PCDHGA5: variants seen among roughly 807,000 people sequenced by gnomAD.
PCDHGA5 encodes the protein protocadherin gamma subfamily A, 5, also known as protocadherin gamma-A5.
Under a neutral mutation model 56.7 loss-of-function variants are expected in PCDHGA5, and 36 were observed. The ratio of observed to expected loss-of-function variants is 0.64; its 90% CI spans 0.49 to 0.84. PCDHGA5 has a LOEUF of 0.84. Among genes scored for constraint, PCDHGA5 ranks in the 40% least tolerant of loss-of-function variants. PCDHGA5 has a pLI of 0.00. For missense variants in PCDHGA5, 1,305 were observed against 1,201.5 expected, an observed-to-expected ratio of 1.09 and a Z score of -1.27; for synonymous variants, 563 against 520.2, an observed-to-expected ratio of 1.08 and a Z score of -1.12.
chr5:141,372,210 T>A, intron 1 of PCDHGA5: 3 of 1,613,574 alleles, frequency 1.9e-6, no homozygotes, highest in Non-Finnish European at 2.5e-6. Flanking sequence ...CTGGCTGTCC[T>A]ACCACATTGT....
At chr5:141,400,557 ACC>A in intron 1 of PCDHGA5, 5 of 1,613,254 alleles carry the variant, frequency 3.1e-6, no homozygotes, top group Non-Finnish European at 3.4e-6. Context: ...CTTTTTCATT[ACC>A]CACCCAATTT....
chr5:141,433,564 G>A (rs1380905062), intron 1 of PCDHGA5, among the ~76,000 whole-genome samples: 1 of 152,042 alleles, frequency 6.6e-6, no homozygotes, highest in Non-Finnish European at 1.5e-5. Flanking sequence ...GGCTGGGCGC[G>A]GTGGCTCACG....
chr5:141,395,222 A>G, intron 1 of PCDHGA5: 2 of 1,611,606 alleles, frequency 1.2e-6, no homozygotes, highest in Non-Finnish European at 1.7e-6. Flanking sequence ...ATAAGAATGA[A>G]GCTGATCATG....
At position 141,432,172 on chromosome 5, in the gene PCDHGA5, C is replaced by A. The variant is rs562175068; in HGVS notation, c.2422-62635C>A. ...AGAACAATCCCAGAGGAGTTTCCCT[C>A]GTCTCTGTGACCGCCCACGACCCCG... On this transcript the variant is annotated intron_variant, in intron 1 of 3. Coordinates refer to ENST00000518069, the MANE Select transcript of PCDHGA5 (RefSeq NM_018918.3). This position sits in a 1 kb window ranked among gnomAD's most constrained non-coding sequence, Gnocchi z 6.0. 5 of 1,614,152 alleles carry A rather than the reference C, an allele frequency of 3.1e-6. No homozygotes were observed. The South Asian group carries it at 4.4e-5, about 14-fold the overall frequency.
At chr5:141,424,715 G>A (rs1299933373) in intron 1 of PCDHGA5, 1 of 152,132 alleles carries the variant, frequency 6.6e-6, no homozygotes, top group Admixed American at 6.6e-5. Flanking sequence ...TTTCAGTGTA[G>A]TTGGGAGTCA....
At chr5:141,411,423 CA>C (rs200531177) in intron 1 of PCDHGA5, 3 of 147,666 alleles carry the variant, frequency 2.0e-5, no homozygotes, top group Admixed American at 6.8e-5. Context: ...ACAACAACAA[CA>C]AAAAAAAACA....
chr5:141,403,299 T>A (rs1247528606), intron 1 of PCDHGA5: 1 of 1,613,896 alleles, frequency 6.2e-7, no homozygotes, highest in Admixed American at 1.7e-5. Flanking sequence ...AGAGTGAAAC[T>A]GTACGGAATA....
intron 1 of PCDHGA5, chr5:141,413,201 A>G (rs746209535): frequency 1.9e-6 from 3 of 1,611,954 alleles, no homozygotes; most frequent in Non-Finnish European, 2.5e-6. Context: ...AATCGCTCAA[A>G]GGAATCAAAG....
Position 141,406,431 on chromosome 5 carries a change from T to A in PCDHGA5, c.2421+39680T>A, listed in dbSNP as rs1316370664. 2.0e-5 allele frequency among the ~76,000 whole-genome samples: 3 copies of A among 152,352 alleles called. No individual in the cohort carries two copies. In the South Asian group the frequency reaches 6.2e-4, roughly 32 times the overall value. ...CAGCTGAAAGCCCAGATTTATTGCT[T>A]CTATTCTTCCATTTCTATGACAGGA... On this transcript the variant is annotated intron_variant, in intron 1 of 3. Coordinates refer to ENST00000518069, the MANE Select transcript of PCDHGA5 (RefSeq NM_018918.3).
chr5:141,403,553 G>T, intron 1 of PCDHGA5: 6 of 1,613,980 alleles, frequency 3.7e-6, no homozygotes, highest in Non-Finnish European at 5.1e-6. Flanking sequence ...GCGCGCCCTG[G>T]ACAGGGAGGA....
At chr5:141,500,256 T>C (rs1045685908) in intron 2 of PCDHGA5, among the ~76,000 whole-genome samples, 1 of 151,676 alleles carries the variant, frequency 6.6e-6, no homozygotes, top group Non-Finnish European at 1.5e-5. Flanking sequence ...TCACCCAGGC[T>C]GGACTGCAGT....
At chr5:141,374,181 A>G (rs765792921) in intron 1 of PCDHGA5, 14 of 1,613,530 alleles carry the variant, frequency 8.7e-6, no homozygotes, top group African/African-American at 2.7e-5. Flanking sequence ...CAGATCCGCT[A>G]CTCTATTCCC....
At chr5:141,372,558 G>A in intron 1 of PCDHGA5, 1 of 1,614,002 alleles carries the variant, frequency 6.2e-7, no homozygotes, top group Non-Finnish European at 8.5e-7. Flanking sequence ...CTCCAGACCC[G>A]CCACTGAGGG....
At chr5:141,441,734 G>GAT in intron 1 of PCDHGA5, 1 of 364,808 alleles carries the variant, frequency 2.7e-6, no homozygotes, top group South Asian at 2.2e-5. Context: ...ACCAGGACTA[G>GAT]CTCGCGCTCG....
chr5:141,381,798 CTCTTTCTTTCTT>C (rs372235829), intron 1 of PCDHGA5, among the ~76,000 whole-genome samples: 1 of 144,134 alleles, frequency 6.9e-6, no homozygotes, highest in Non-Finnish European at 1.5e-5. Flanking sequence ...AGGCAATTCC[CTCTTTCTTTCTT>C]TCTTTCTTTC....
At chr5:141,415,611 A>G in intron 1 of PCDHGA5, 1 of 1,613,152 alleles carries the variant, frequency 6.2e-7, no homozygotes, top group Non-Finnish European at 8.5e-7. Context: ...CATTGGTTCC[A>G]GTGAGTTTTA....
chr5:141,399,713 A>T, intron 1 of PCDHGA5: 1 of 1,613,326 alleles, frequency 6.2e-7, no homozygotes, highest in Non-Finnish European at 8.5e-7. Context: ...CTCACACTAC[A>T]GGCCCGCGAC....
intron 1 of PCDHGA5, chr5:141,423,469 C>G: frequency 3.1e-6 from 5 of 1,613,948 alleles, no homozygotes; most frequent in Non-Finnish European, 4.2e-6. Flanking sequence ...GGACGGGGTA[C>G]AGGCTTTCCT....
rs200533514 is a variant in PCDHGA5 at position 141,476,315 on chromosome 5, C to T, written c.2422-18492C>T. On this transcript the variant is annotated intron_variant, in intron 1 of 3. Transcript: ENST00000518069. This position sits in a 1 kb window ranked among gnomAD's most constrained non-coding sequence, Gnocchi z 7.6. The stretch of plus-strand genomic sequence containing the variant: ...CGGTAGCCTCTCAGCCCGCAGGTTC[C>T]GGGTGGTGTCTGGAGCTAGCCGAAG... 264 of 1,613,910 alleles carry T rather than the reference C, an allele frequency of 1.6e-4. No homozygotes were observed. The highest frequency in any genetic ancestry group is 2.1e-4 in the Non-Finnish European group (248 of 1,180,024).
Sources: gnomAD v4.1 joint callset for allele counts (sites outside exome capture counted in the v4.1 genomes callset) on GRCh38, gnomAD v4.1.1 for gene constraint, Gnocchi (gnomAD v3.1) non-coding constraint, MANE v1.5 for transcripts, NCBI Gene and HGNC (gene_info 2026-07-23, HGNC 2026-07-21) for gene names.